Variants in LRRC63 observed in about 807,000 individuals in gnomAD.
LRRC63 encodes the protein leucine rich repeat containing 63.
Under a neutral mutation model 49.5 loss-of-function variants are expected in LRRC63, and 40 were observed. That is an observed-to-expected ratio of 0.81 (90% CI 0.63 to 1.05). The LOEUF (loss-of-function observed/expected upper bound fraction) is 1.05. Among genes scored for constraint, LRRC63 ranks in the 50% least tolerant of loss-of-function variants. The pLI, the probability that LRRC63 is intolerant of heterozygous loss-of-function variation, is 0.00. For missense variants in LRRC63, 636 were observed against 663.1 expected, an observed-to-expected ratio of 0.96 and a Z score of 0.45; for synonymous variants, 191 against 221.1, an observed-to-expected ratio of 0.86 and a Z score of 1.21.
chr13:46,240,716 C>T (rs923811862), intron 5 of LRRC63, among the ~76,000 whole-genome samples: 2 of 152,100 alleles, frequency 1.3e-5, no homozygotes, highest in African/African-American at 4.8e-5. Context: ...AAATCAGGAA[C>T]ACAGTCCCAT....
intron 2 of LRRC63, among the ~76,000 whole-genome samples, chr13:46,225,524 G>T (rs190464400): frequency 7.2e-5 from 11 of 152,312 alleles, no homozygotes; most frequent in Admixed American, 2.0e-4. Flanking sequence ...ACTCCAGTTT[G>T]CCATTAAAGG....
intron 2 of LRRC63, among the ~76,000 whole-genome samples, chr13:46,215,198 A>G (rs1429520824): frequency 6.6e-6 from 1 of 152,242 alleles, no homozygotes; most frequent in East Asian, 1.9e-4. Context: ...ACTGTCTTCC[A>G]CAATGGTTGA....
intron 5 of LRRC63, among the ~76,000 whole-genome samples, chr13:46,235,254 T>C (rs1038774791): frequency 6.6e-6 from 1 of 152,134 alleles, no homozygotes; most frequent in Non-Finnish European, 1.5e-5. Flanking sequence ...CTGTCTTCTG[T>C]TGTGTAAGGA....
chr13:46,249,317 C>T (rs1231643516), intron 6 of LRRC63, among the ~76,000 whole-genome samples: 1 of 151,362 alleles, frequency 6.6e-6, no homozygotes, highest in Non-Finnish European at 1.5e-5. Flanking sequence ...GATAGAAAAA[C>T]AGAGAAAATT....
At chr13:46,247,231 T>C (rs888168428) in intron 6 of LRRC63, among the ~76,000 whole-genome samples, 24 of 152,172 alleles carry the variant, frequency 1.6e-4, no homozygotes, top group Admixed American at 7.9e-4. Flanking sequence ...TATTTTCTTC[T>C]TTCAATCAGA....
intron 4 of LRRC63, among the ~76,000 whole-genome samples, chr13:46,233,197 T>C (rs2046813540): frequency 6.6e-6 from 1 of 152,164 alleles, no homozygotes; most frequent in South Asian, 2.1e-4. Flanking sequence ...CCTCTTCATC[T>C]CCATCTTCCT....
intron 2 of LRRC63, among the ~76,000 whole-genome samples, chr13:46,216,318 G>C (rs2046250347): frequency 6.6e-6 from 1 of 152,134 alleles, no homozygotes; most frequent in Non-Finnish European, 1.5e-5. Context: ...AGTTCTCCTT[G>C]AAGAGGTCCT....
intron 9 of LRRC63, among the ~76,000 whole-genome samples, chr13:46,272,614 A>C (rs1490846694): frequency 6.6e-6 from 1 of 152,220 alleles, no homozygotes; most frequent in East Asian, 1.9e-4. Context: ...CTTAAATCTC[A>C]GGAATCTGTC....
Position 46,255,312 on chromosome 13 carries a change from T to G in LRRC63, c.1226+4821T>G, listed in dbSNP as rs1594084299. On this transcript the variant is annotated intron_variant, in intron 7 of 9. Coordinates refer to ENST00000595396, the Ensembl canonical transcript of LRRC63. ...AGTAGCTGTTCAATGGATATAGAGT[T>G]TCTGTTTGGGATGATGGGAAAGTTC... Among the ~76,000 whole-genome samples the G allele has an allele frequency of 2.0e-5, 3 of 152,162 alleles. No homozygotes were observed. In the South Asian group the frequency reaches 6.2e-4, roughly 32 times the overall value.
At chr13:46,224,297 G>A (rs978109929) in intron 2 of LRRC63, among the ~76,000 whole-genome samples, 2 of 152,096 alleles carry the variant, frequency 1.3e-5, no homozygotes, top group Admixed American at 6.5e-5. Flanking sequence ...TTCAAAAGAC[G>A]TGTCATCAAG....
intron 2 of LRRC63, among the ~76,000 whole-genome samples, chr13:46,220,126 C>T (rs1478681380): frequency 6.6e-6 from 1 of 152,202 alleles, no homozygotes; most frequent in Non-Finnish European, 1.5e-5. Flanking sequence ...TAGCAGAGCT[C>T]AAGTGCTGTG....
chr13:46,238,583 A>G lies in LRRC63; in HGVS notation c.990+4234A>G, dbSNP rs2046969055. Among the ~76,000 whole-genome samples the G allele has an allele frequency of 2.6e-5, 4 of 152,208 alleles. No homozygotes were observed. In the South Asian group the frequency reaches 8.3e-4, roughly 32 times the overall value. ...ATGTCTTACATGACGATAAGCAAGC[A>G]TGTGCAGGGGAACTGCCCTTTATAA... On this transcript the variant is annotated intron_variant, in intron 5 of 9. Coordinates refer to ENST00000595396, the Ensembl canonical transcript of LRRC63.
At chr13:46,239,367 A>C (rs753780979) in intron 5 of LRRC63, among the ~76,000 whole-genome samples, 5 of 152,168 alleles carry the variant, frequency 3.3e-5, no homozygotes, top group Non-Finnish European at 7.3e-5. Flanking sequence ...ACCTCTATGC[A>C]CACAAAGTAG....
intron 2 of LRRC63, among the ~76,000 whole-genome samples, chr13:46,215,851 G>A (rs1262578008): frequency 6.6e-6 from 1 of 152,058 alleles, no homozygotes; most frequent in Non-Finnish European, 1.5e-5. Context: ...CCAGTTTTCC[G>A]AGCACCATTT....
chr13:46,253,018 A>T (rs1011251432), intron 7 of LRRC63, among the ~76,000 whole-genome samples: 2 of 152,030 alleles, frequency 1.3e-5, no homozygotes, highest in East Asian at 3.8e-4. Context: ...TGGAGGATGG[A>T]TGTGAGGGGA....
chr13:46,218,550 T>C (rs1488956423), intron 2 of LRRC63, among the ~76,000 whole-genome samples: 1 of 152,224 alleles, frequency 6.6e-6, no homozygotes, highest in Non-Finnish European at 1.5e-5. Flanking sequence ...TTTAACTCTT[T>C]ATCCAGTTTC....
chr13:46,273,595 C>T (rs1214273223), intron 9 of LRRC63, among the ~76,000 whole-genome samples: 1 of 116,874 alleles, frequency 8.6e-6, no homozygotes, highest in Admixed American at 9.8e-5. Flanking sequence ...GAGTGAGAAT[C>T]TGCCTTAAAA....
chr13:46,215,474 A>G (rs889637925), intron 2 of LRRC63, among the ~76,000 whole-genome samples: 32 of 147,696 alleles, frequency 2.2e-4, no homozygotes, highest in African/African-American at 8.1e-4. Flanking sequence ...GTTTTTTTTT[A>G]TTGTAAATAT....
chr13:46,228,637 T>C, intron 3 of LRRC63, 28 bp from the exon 4 acceptor site: 1 of 1,338,690 alleles, frequency 7.5e-7, no homozygotes, highest in Non-Finnish European at 1.0e-6. Flanking sequence ...ATATCCAAAG[T>C]CATCCCATTT....
Sources: allele counts gnomAD v4.1 joint callset (sites outside exome capture counted in the v4.1 genomes callset), GRCh38; gene constraint gnomAD v4.1.1; transcripts MANE v1.5; gene names NCBI Gene and HGNC (gene_info 2026-07-23, HGNC 2026-07-21).